CYP4Z1: variants seen among roughly 807,000 people sequenced by gnomAD.
The protein encoded by CYP4Z1 is cytochrome P450 family 4 subfamily Z member 1.
CYP4Z1 carries 41 observed loss-of-function variants against 54.2 expected under a neutral mutation model. The ratio of observed to expected loss-of-function variants is 0.76; its 90% CI spans 0.59 to 0.98. CYP4Z1 has a LOEUF of 0.98. Ranked by LOEUF, CYP4Z1 falls within the 50% of genes least tolerant of loss-of-function variation. The probability of loss-of-function intolerance (pLI) is 0.00; values close to 1 mark genes in which losing one functional copy is unlikely to be tolerated. For missense variants in CYP4Z1, 513 were observed against 599.0 expected (o/e 0.86, Z 1.50); for synonymous variants, 163 against 206.2 (o/e 0.79, Z 1.79).
Position 47,084,980 on chromosome 1 carries a change from T to A in CYP4Z1, c.772+2T>A. 1 of 1,303,664 alleles carries A rather than the reference T, an allele frequency of 7.7e-7. No homozygotes were observed. Among genetic ancestry groups the A allele is most frequent in the Non-Finnish European group, 1.1e-6 (1 of 944,846 alleles). 80.8% of individuals were successfully genotyped at this position (1,303,664 alleles called of 1,614,324 possible). A position where few individuals can be genotyped will look rare whatever the true frequency, so the allele number is the denominator to read the frequency against. On this transcript the variant is annotated splice_donor_variant, in intron 6 of 11. Transcript: ENST00000334194. LOFTEE classifies it high-confidence loss of function. Reference sequence around the variant, plus strand: ...ACCAAGAACTTCATCAGTTCACAGGTTAGTCCTGGGATTTACATGGCCAGA... The same window carrying A: ...ACCAAGAACTTCATCAGTTCACAGGATAGTCCTGGGATTTACATGGCCAGA...
chr1:47,096,624 C>A (rs1406306825), intron 7 of CYP4Z1: 1 of 139,490 alleles, frequency 7.2e-6, no homozygotes, highest in East Asian at 2.6e-4. Flanking sequence ...CATTCATTTG[C>A]TCTTCTTTTT....
At chr1:47,057,946 T>A in the CYP4Z1 span, among the ~76,000 whole-genome samples, 36 of 152,202 alleles carry the variant, frequency 2.4e-4, no homozygotes, top group Non-Finnish European at 4.7e-4. Flanking sequence ...GAGTGTTAAT[T>A]CTTATCTTAG....
At chr1:47,099,997 C>G (rs906557809) in intron 8 of CYP4Z1, among the ~76,000 whole-genome samples, 1 of 151,856 alleles carries the variant, frequency 6.6e-6, no homozygotes, top group African/African-American at 2.4e-5. Context: ...TCTATTTCTC[C>G]AAGATGTAAA....
chr1:47,067,696 T>A, intron 1 of CYP4Z1, 29 bp downstream of exon 1: 1 of 1,558,920 alleles, frequency 6.4e-7, no homozygotes, highest in Non-Finnish European at 8.7e-7. Flanking sequence ...TTGGGGAGGT[T>A]AAGGGACAGA....
intron 4 of CYP4Z1, 109 bp downstream of exon 4, chr1:47,082,570 A>G (rs550760691): frequency 9.5e-6 from 14 of 1,480,712 alleles, no homozygotes; most frequent in South Asian, 2.8e-5. Flanking sequence ...AGCAGTTTAT[A>G]TGGGGTTATT....
At chr1:47,101,100 T>C (rs1644718455) in intron 8 of CYP4Z1, among the ~76,000 whole-genome samples, 3 of 152,198 alleles carry the variant, frequency 2.0e-5, no homozygotes, top group Admixed American at 6.5e-5. Context: ...ATCAGTTGAA[T>C]GTCTTCTTTT....
At chr1:47,094,448 T>C (rs184716710) in intron 6 of CYP4Z1, 118 bp from the exon 7 acceptor site, 549 of 657,386 alleles carry the variant, frequency 8.4e-4, no homozygotes, top group Non-Finnish European at 1.3e-3. Context: ...CTCAGGAACA[T>C]TGGGTGGGGG....
upstream of CYP4Z1, among the ~76,000 whole-genome samples, chr1:47,063,263 T>C (rs989601198): frequency 6.6e-6 from 1 of 152,058 alleles, no homozygotes; most frequent in Admixed American, 6.5e-5. Flanking sequence ...AGATCTTCCC[T>C]CTGACATAGT....
chr1:47,100,536 T>C (rs1644713737), intron 8 of CYP4Z1, among the ~76,000 whole-genome samples: 1 of 152,192 alleles, frequency 6.6e-6, no homozygotes, highest in Non-Finnish European at 1.5e-5. Context: ...TACCTGCCAG[T>C]TGGTCACGGT....
At chr1:47,088,316 A>G (rs1336432801) in intron 6 of CYP4Z1, among the ~76,000 whole-genome samples, 1 of 152,038 alleles carries the variant, frequency 6.6e-6, no homozygotes, top group Non-Finnish European at 1.5e-5. Context: ...CTGTGAATCC[A>G]TCTGGTCCTG....
rs116785324 is a variant in CYP4Z1, at chr1:47,067,825, A to T, written c.177+158A>T. Among the ~76,000 whole-genome samples, 785 of 152,326 alleles carry T rather than the reference A, an allele frequency of 5.2e-3. 9 individuals carry two copies. The highest frequency in any genetic ancestry group is 0.018 in the African/African-American group (762 of 41,572). On this transcript the variant is annotated intron_variant, in intron 1 of 11. Transcript: ENST00000334194. Reference sequence around the variant, plus strand: ...AAATTCTATGATATGGGGAGGAAAGATATTGTTATTCCTGTTTTACAGATA... The same window carrying T: ...AAATTCTATGATATGGGGAGGAAAGTTATTGTTATTCCTGTTTTACAGATA...
the CYP4Z1 span, among the ~76,000 whole-genome samples, chr1:47,056,679 C>T: frequency 1.2e-3 from 187 of 152,212 alleles, no homozygotes; most frequent in African/African-American, 4.2e-3. Flanking sequence ...ATGTAATGGC[C>T]TTCTTTGTCT....
At chr1:47,115,190 G>A (rs555542511) in intron 9 of CYP4Z1, among the ~76,000 whole-genome samples, 20 of 152,082 alleles carry the variant, frequency 1.3e-4, no homozygotes, top group Admixed American at 3.9e-4. Context: ...GCAAACTATC[G>A]CAAGGACAAA....
chr1:47,061,287 A>C, the CYP4Z1 span, among the ~76,000 whole-genome samples: 292 of 152,274 alleles, frequency 1.9e-3, 1 homozygote, highest in Non-Finnish European at 3.6e-3. Flanking sequence ...GGCATTAGCC[A>C]CACTAATAAA....
chr1:47,078,185 G>T (rs1462031903), intron 2 of CYP4Z1, among the ~76,000 whole-genome samples: 1 of 152,088 alleles, frequency 6.6e-6, no homozygotes, highest in Non-Finnish European at 1.5e-5. Flanking sequence ...TATGCTTGAT[G>T]GTGTCTCACA....
chr1:47,082,983 C>G (rs1276066130), intron 4 of CYP4Z1, among the ~76,000 whole-genome samples: 12 of 152,090 alleles, frequency 7.9e-5, no homozygotes, highest in Non-Finnish European at 1.2e-4. Context: ...ATCTAAAACC[C>G]ATAGAGAAGA....
chr1:47,083,622 C>G (rs201072578), intron 4 of CYP4Z1, among the ~76,000 whole-genome samples: 9 of 151,742 alleles, frequency 5.9e-5, no homozygotes, highest in South Asian at 4.2e-4. Flanking sequence ...ATGGCCAAAC[C>G]CCATCTCTAC....
intron 1 of CYP4Z1, among the ~76,000 whole-genome samples, chr1:47,068,305 G>A (rs756532393): frequency 3.3e-5 from 5 of 152,152 alleles, no homozygotes; most frequent in Non-Finnish European, 5.9e-5. Flanking sequence ...TATTATACAC[G>A]TGAGGAAATC....
At position 47,068,587 on chromosome 1, in the gene CYP4Z1, C is replaced by A. The variant is rs113335462; in HGVS notation, c.178-35C>A. 5,470 of 1,609,912 alleles carry A rather than the reference C, an allele frequency of 3.4e-3. 151 individuals are homozygous for A. In the African/African-American group the frequency reaches 0.062, roughly 18 times the overall value. On this transcript the variant is annotated intron_variant, in intron 1 of 11. Coordinates refer to ENST00000334194, the MANE Select transcript of CYP4Z1 (RefSeq NM_178134.3). Reference sequence around the variant, plus strand: ...GAAAGGGGTCCTCCTGGGGTGACAACCTTTACTAACCAGTCATGACTTATC... The same window carrying A: ...GAAAGGGGTCCTCCTGGGGTGACAAACTTTACTAACCAGTCATGACTTATC...
Sources: allele counts gnomAD v4.1 joint callset (sites outside exome capture counted in the v4.1 genomes callset), GRCh38; gene constraint gnomAD v4.1.1; transcripts MANE v1.5; gene names NCBI Gene and HGNC (gene_info 2026-07-23, HGNC 2026-07-21).